The following LAMA2 variants were observed in gnomAD, a reference collection of about 807,000 sequenced individuals.
The protein encoded by LAMA2 is laminin subunit alpha 2.
In LAMA2, 269 loss-of-function variants were observed where a neutral mutation model predicts 364.8. The observed-to-expected ratio is 0.74, with a 90% CI of 0.67 to 0.82. LAMA2 has a LOEUF of 0.82. Ranked by LOEUF, LAMA2 falls within the 40% of genes least tolerant of loss-of-function variation. The pLI, the probability that LAMA2 is intolerant of heterozygous loss-of-function variation, is 0.00. For missense variants in LAMA2, 3,807 were observed against 3,873.2 expected (o/e 0.98, Z 0.45); for synonymous variants, 1,379 against 1,370.6 (o/e 1.01, Z -0.14).
chr6:128,933,230 C>CTGTG (rs71028134), intron 1 of LAMA2, among the ~76,000 whole-genome samples: 6,805 of 146,234 alleles, frequency 0.047, 174 homozygotes, highest in Middle Eastern at 0.099. Flanking sequence ...CCCTCTCTTT[C>CTGTG]TGTGTGTGTG....
intron 1 of LAMA2, among the ~76,000 whole-genome samples, chr6:129,018,427 T>TA (rs1257495900): frequency 6.6e-6 from 1 of 151,446 alleles, no homozygotes; most frequent in Admixed American, 6.6e-5. Context: ...TTAAAAGTGA[T>TA]ACGAAAGTCA....
At position 129,050,101 on chromosome 6, in the gene LAMA2, G is replaced by T; in HGVS notation, c.283+13G>T. The stretch of plus-strand genomic sequence containing the variant: ...AGCAATCCAAACCGTATGTATTTTA[G>T]TGTGTAGGTGTGTGGCGCTGGGTAG... On this transcript the variant is annotated intron_variant, in intron 2 of 64. Transcript: ENST00000421865. The T allele has an allele frequency of 1.2e-6, 2 of 1,613,890 alleles. No homozygotes were observed. The highest frequency in any genetic ancestry group is 1.1e-5 in the South Asian group (1 of 91,076).
rs190122959 is a variant in LAMA2 at position 129,417,650 on chromosome 6, G to A, written c.5866-10102G>A. 2.6e-3 allele frequency among the ~76,000 whole-genome samples: 392 copies of A among 152,100 alleles called. 1 individual carries two copies. Among genetic ancestry groups the A allele is most frequent in the Non-Finnish European group, 4.2e-3 (287 of 67,980 alleles). ...CTGCCACCACCAACCTGCCATCCACGGCGCCCACTGGCACCCAGGCTGTTC... is the reference window on the plus strand; with the variant it reads ...CTGCCACCACCAACCTGCCATCCACAGCGCCCACTGGCACCCAGGCTGTTC... On this transcript the variant is annotated intron_variant, in intron 40 of 64. Transcript: ENST00000421865.
intron 4 of LAMA2, among the ~76,000 whole-genome samples, chr6:129,137,735 A>G (rs1008118317): frequency 6.6e-6 from 1 of 152,064 alleles, no homozygotes; most frequent in African/African-American, 2.4e-5. Flanking sequence ...AGTCCAGTCT[A>G]TAGTATTTGG....
chr6:129,287,748 A>C (rs1789379106), intron 18 of LAMA2, 99 bp from the exon 19 acceptor site: 7 of 1,036,238 alleles, frequency 6.8e-6, no homozygotes, highest in Admixed American at 5.1e-5. Flanking sequence ...CTTAAAAGGA[A>C]AATCCATCAT....
intron 1 of LAMA2, among the ~76,000 whole-genome samples, chr6:129,004,794 A>G (rs1372325982): frequency 6.6e-6 from 1 of 152,174 alleles, no homozygotes. Flanking sequence ...GTCAAATTAT[A>G]AATACTACTA....
At chr6:129,109,087 A>G (rs1775992153) in intron 4 of LAMA2, among the ~76,000 whole-genome samples, 1 of 152,094 alleles carries the variant, frequency 6.6e-6, no homozygotes, top group Non-Finnish European at 1.5e-5. Context: ...CTTTCCAGGC[A>G]TGGTTATGGA....
At chr6:129,385,075 GAAGA>G in intron 35 of LAMA2, among the ~76,000 whole-genome samples, 1 of 76,146 alleles carries the variant, frequency 1.3e-5, no homozygotes, top group African/African-American at 5.3e-5. Context: ...GGGAGGGAAG[GAAGA>G]GAGGGGAGGG....
At chr6:129,352,277 A>G (rs1276089700) in intron 31 of LAMA2, among the ~76,000 whole-genome samples, 1 of 152,196 alleles carries the variant, frequency 6.6e-6, no homozygotes, top group African/African-American at 2.4e-5. Flanking sequence ...CAGTGTCATA[A>G]CACGGAGTGA....
chr6:129,005,206 G>A (rs1264063837), intron 1 of LAMA2, among the ~76,000 whole-genome samples: 1 of 151,830 alleles, frequency 6.6e-6, no homozygotes, highest in Non-Finnish European at 1.5e-5. Flanking sequence ...AAGCCCATGA[G>A]GTTAGACCTA....
At chr6:128,890,869 T>TCAG (rs1562802528) in intron 1 of LAMA2, among the ~76,000 whole-genome samples, 2 of 152,026 alleles carry the variant, frequency 1.3e-5, no homozygotes, top group African/African-American at 2.4e-5. Context: ...TACCTAAGAA[T>TCAG]CAGAGCAAGA....
At chr6:129,513,590 T>G (rs1156382803) in intron 63 of LAMA2, among the ~76,000 whole-genome samples, 1 of 152,234 alleles carries the variant, frequency 6.6e-6, no homozygotes, top group East Asian at 1.9e-4. Flanking sequence ...TCTTAAGACT[T>G]CATTTCTTTT....
chr6:129,252,509 G>A (rs1166599942), intron 14 of LAMA2, among the ~76,000 whole-genome samples: 1 of 152,064 alleles, frequency 6.6e-6, no homozygotes, highest in African/African-American at 2.4e-5. Flanking sequence ...TATTATTATT[G>A]ATGATTCTTT....
At chr6:129,397,938 GAAAAAA>G (rs58131786) in intron 37 of LAMA2, among the ~76,000 whole-genome samples, 4,900 of 103,486 alleles carry the variant, frequency 0.047, 232 homozygotes, top group African/African-American at 0.18. Flanking sequence ...CTCCGTCTCA[GAAAAAA>G]AAAAAAAAAA....
chr6:129,478,008 T>A (rs1297452971), intron 53 of LAMA2, among the ~76,000 whole-genome samples: 1 of 22,322 alleles, frequency 4.5e-5, no homozygotes. Context: ...AGGCTGGTCT[T>A]GTCTTGAACT....
chr6:129,507,800 A>G (rs892705903), intron 62 of LAMA2, among the ~76,000 whole-genome samples, 158 bp downstream of exon 62: 8 of 152,268 alleles, frequency 5.3e-5, no homozygotes, highest in Non-Finnish European at 1.0e-4. Context: ...ATGCCTCTTA[A>G]AAATTCATGT....
At position 129,132,168 on chromosome 6, in the gene LAMA2, C is replaced by CTT. The variant is rs1179325141; in HGVS notation, c.640-11718_640-11717dup. On this transcript the variant is annotated intron_variant, in intron 4 of 64. Coordinates refer to ENST00000421865, the MANE Select transcript of LAMA2 (RefSeq NM_000426.4). ...AGCTAGAAAGAACTCTGACCTTACT[C>CTT]TTTTTTTTTTTTTTTTGAGACAGAG... Among the ~76,000 whole-genome samples the CTT allele has an allele frequency of 9.4e-4, 132 of 140,132 alleles. 1 individual carries two copies. The highest frequency in any genetic ancestry group is 3.2e-3 in the African/African-American group (121 of 37,828). 91.9% of individuals were successfully genotyped at this position (140,132 alleles called of 152,430 possible).
chr6:129,250,158 T>A lies in LAMA2; in HGVS notation c.1829T>A (p.Leu610His). ...GQLTFTISYD[L>H]EEEEEDTERV... is the part of the protein sequence containing the mutation. The stretch of plus-strand genomic sequence containing the variant: ...TTGACATTTACCATATCATATGACC[T>A]TGAAGAAGAGGAAGAAGATACAGAA... Residue 610 changes from leucine (L) to histidine (H), a missense_variant, in exon 13 of 65, where the codon CTT becomes CAT. Coordinates refer to ENST00000421865, the MANE Select transcript of LAMA2 (RefSeq NM_000426.4). 6.2e-7 allele frequency: 1 copy of A among 1,610,562 alleles called. No individual in the cohort carries two copies. The highest frequency in any genetic ancestry group is 8.5e-7 in the Non-Finnish European group (1 of 1,177,060).
chr6:128,991,466 C>T (rs536496864), intron 1 of LAMA2, among the ~76,000 whole-genome samples: 14 of 152,138 alleles, frequency 9.2e-5, no homozygotes, highest in African/African-American at 2.4e-4. Flanking sequence ...CAAATTTTTC[C>T]GAGTAAAATG....
Sources: allele counts gnomAD v4.1 joint callset (sites outside exome capture counted in the v4.1 genomes callset), GRCh38; gene constraint gnomAD v4.1.1; transcripts MANE v1.5; gene names NCBI Gene and HGNC (gene_info 2026-07-23, HGNC 2026-07-21).